ZNF23: variants seen among roughly 807,000 people sequenced by gnomAD.
ZNF23 encodes kruppel-like zinc finger factor X31.
Under a neutral mutation model 56.2 loss-of-function variants are expected in ZNF23, and 48 were observed. The ratio of observed to expected loss-of-function variants is 0.85; its 90% CI spans 0.68 to 1.09. The LOEUF (loss-of-function observed/expected upper bound fraction) is 1.09. Among genes scored for constraint, ZNF23 ranks in the 50% least tolerant of loss-of-function variants. The probability of loss-of-function intolerance (pLI) is 0.00; values close to 1 mark genes in which losing one functional copy is unlikely to be tolerated. For missense variants in ZNF23, 805 were observed against 811.4 expected (o/e 0.99, Z 0.10); for synonymous variants, 266 against 283.3 (o/e 0.94, Z 0.61).
Position 71,456,763 on chromosome 16 carries a change from C to G in ZNF23, c.33+1G>C. ...AAGAGCTGAAGGACCCCACAGCTCA[C>G]CTGGGGCCAGGCTGTCAGGTGCATG... On this transcript the variant is annotated splice_donor_variant, in intron 2 of 4. Coordinates refer to ENST00000647773, the MANE Select transcript of ZNF23 (RefSeq NM_001381984.1). LOFTEE classifies it high-confidence loss of function. The G allele has an allele frequency of 4.1e-6, 4 of 986,036 alleles. No individual in the cohort carries two copies. The highest frequency in any genetic ancestry group is 4.8e-6 in the Non-Finnish European group (4 of 830,068). 61.1% of individuals were successfully genotyped at this position (986,036 alleles called of 1,614,324 possible). A position where few individuals can be genotyped will look rare whatever the true frequency, so the allele number is the denominator to read the frequency against.
At chr16:71,461,780 G>C (rs1454511020) in intron 1 of ZNF23, 1 of 152,202 alleles carries the variant, frequency 6.6e-6, no homozygotes, top group Admixed American at 6.5e-5. Flanking sequence ...CCTATGTCAG[G>C]AGCCTGGGAG....
Position 71,448,895 on chromosome 16 carries a change from G to A in ZNF23, c.1259C>T (p.Thr420Ile). Residue 420 changes from threonine (T) to isoleucine (I), a missense_variant, in exon 5 of 5, where the codon ACA (threonine) becomes ATA (isoleucine). Physicochemically the swap from Thr to Ile is moderately conservative, Grantham distance 89 (BLOSUM62 -1). Coordinates refer to ENST00000647773, the MANE Select transcript of ZNF23 (RefSeq NM_001381984.1). ...GATTCTCTGATGCTGAATGAGTTTT[G>A]TATTATTATTGAAGCCTTTTCCACA... ...KECGKGFNNNTKLIQHQRIHT... is the reference protein window; with the variant it reads ...KECGKGFNNNIKLIQHQRIHT... The A allele has an allele frequency of 1.9e-6, 3 of 1,614,164 alleles. No individual in the cohort carries two copies. The highest frequency in any genetic ancestry group is 1.3e-5 in the African/African-American group (1 of 75,030).
At chr16:71,461,097 A>G (rs948681945) in intron 1 of ZNF23, among the ~76,000 whole-genome samples, 4 of 152,174 alleles carry the variant, frequency 2.6e-5, no homozygotes, top group Non-Finnish European at 4.4e-5. Flanking sequence ...ATGCATATGT[A>G]ATTATTTTTT....
Position 71,449,769 on chromosome 16 carries a change from G to C in ZNF23, c.385C>G (p.Leu129Val). The C allele has an allele frequency of 6.2e-7, 1 of 1,614,044 alleles. No individual in the cohort carries two copies. Among genetic ancestry groups the C allele is most frequent in the Non-Finnish European group, 8.5e-7 (1 of 1,180,018 alleles). The change falls in exon 5 of 5, where the codon CTA becomes GTA. Residue 129 changes from leucine to valine, a missense_variant. Coordinates refer to ENST00000647773, the MANE Select transcript of ZNF23 (RefSeq NM_001381984.1). ...QETDFSEASL[L>V]EKQQEVHSAG... ...GAGTGGACTTCCTGTTGTTTCTCTA[G>C]AAGAGAGGCTTCTGAAAAGTCTGTT...
intron 4 of ZNF23, chr16:71,451,632 G>A (rs2043059634): frequency 6.6e-6 from 1 of 152,344 alleles, no homozygotes; most frequent in Middle Eastern, 3.3e-3. Context: ...GCCCTTGCCA[G>A]ACAGAACCTG....
In ZNF23 at chr16:71,462,232, G is replaced by A. The variant is rs947006074; in HGVS notation, c.-55C>T. The A allele has an allele frequency of 6.6e-6, 1 of 152,360 alleles. No individual in the cohort carries two copies. The highest frequency in any genetic ancestry group is 2.4e-5 in the African/African-American group (1 of 41,472). The allele number at this position is 152,360 out of a possible 1,614,324, so 9.4% of individuals were successfully genotyped here. A position where few individuals can be genotyped will look rare whatever the true frequency, so the allele number is the denominator to read the frequency against. On this transcript the variant is annotated 5_prime_UTR_variant, in exon 1 of 5. Transcript: ENST00000647773. ...CACCTCCGTAGCGGACTGCTCCCCGGCGCTGCCGGAAGTGCGTCACCAGGC... is the reference window on the plus strand; with the variant it reads ...CACCTCCGTAGCGGACTGCTCCCCGACGCTGCCGGAAGTGCGTCACCAGGC...
Position 71,448,088 on chromosome 16 carries a change from C to A in ZNF23, c.*5G>T. ...CCTTAAGAGTTTTCTATATCTTTCT[C>A]ATTATTAGGATTTTCCTTCACTATG... On this transcript the variant is annotated 3_prime_UTR_variant, in exon 5 of 5. Coordinates refer to ENST00000647773, the MANE Select transcript of ZNF23 (RefSeq NM_001381984.1). 6.4e-7 allele frequency: 1 copy of A among 1,570,802 alleles called. No individual in the cohort carries two copies. Among genetic ancestry groups the A allele is most frequent in the South Asian group, 1.2e-5 (1 of 83,280 alleles).
chr16:71,449,923 C>CATGA, intron 4 of ZNF23, 38 bp from the exon 5 acceptor site: 1 of 1,495,104 alleles, frequency 6.7e-7, no homozygotes, highest in Non-Finnish European at 9.0e-7. Context: ...CATGTAAGAA[C>CATGA]CATGTTAGGA....
intron 2 of ZNF23, among the ~76,000 whole-genome samples, chr16:71,454,701 G>T (rs1385060600): frequency 6.6e-6 from 1 of 152,116 alleles, no homozygotes; most frequent in African/African-American, 2.4e-5. Flanking sequence ...TCCAGCCAAG[G>T]ATGCTCCATG....
At position 71,448,821 on chromosome 16, in the gene ZNF23, T is replaced by G; in HGVS notation, c.1333A>C (p.Ser445Arg). ...TGTTGGATTAACTTCCCTTTGACAC[T>G]GAAGGCTTTTCCACATTCAGTGCAT... ...YECTECGKAFSVKGKLIQHQR... is the reference protein window; with the variant it reads ...YECTECGKAFRVKGKLIQHQR... Residue 445 changes from serine to arginine, a missense_variant, in exon 5 of 5, where the codon AGT (serine) becomes CGT (arginine). Ser to Arg is a moderately radical substitution (Grantham distance 110, BLOSUM62 -1). Transcript: ENST00000647773. 1.9e-6 allele frequency: 3 copies of G among 1,614,238 alleles called. No individual in the cohort carries two copies. In the South Asian group the frequency reaches 3.3e-5, roughly 18 times the overall value.
chr16:71,453,471 A>G (rs2043124238), intron 3 of ZNF23, 121 bp from the exon 4 acceptor site: 2 of 722,356 alleles, frequency 2.8e-6, no homozygotes, highest in East Asian at 2.7e-5. Flanking sequence ...GGAGGTCCCA[A>G]GCCTCAGGAC....
chr16:71,456,117 A>C, intron 2 of ZNF23: 1 of 449,608 alleles, frequency 2.2e-6, no homozygotes, highest in South Asian at 1.6e-5. Flanking sequence ...GGATCCGTGA[A>C]GTCCCTGAAA....
At position 71,454,363 on chromosome 16, in the gene ZNF23, G is replaced by T. The variant is rs112578505; in HGVS notation, c.34-195C>A. The stretch of plus-strand genomic sequence containing the variant: ...AGTATCCACATTCTCCCACAGCAGG[G>T]AAACCTCATGCCATTTTTCACACAA... On this transcript the variant is annotated intron_variant, in intron 2 of 4. Transcript: ENST00000647773. 6.2e-3 allele frequency: 4,351 copies of T among 705,060 alleles called. 145 individuals carry two copies. In the African/African-American group the frequency reaches 0.07, roughly 11 times the overall value. 43.7% of individuals were successfully genotyped at this position (705,060 alleles called of 1,614,324 possible). A position where few individuals can be genotyped will look rare whatever the true frequency, so the allele number is the denominator to read the frequency against.
At chr16:71,454,893 T>C (rs568703825) in intron 2 of ZNF23, among the ~76,000 whole-genome samples, 9 of 152,270 alleles carry the variant, frequency 5.9e-5, no homozygotes, top group African/African-American at 2.2e-4. Context: ...AGCTATGTGG[T>C]TGGCACAAGC....
At chr16:71,455,354 G>A (rs1234532131) in intron 2 of ZNF23, among the ~76,000 whole-genome samples, 2 of 151,842 alleles carry the variant, frequency 1.3e-5, no homozygotes, top group Admixed American at 6.6e-5. Flanking sequence ...CTCTATGTCC[G>A]AAAGATTTTT....
In ZNF23 at chr16:71,448,258, T is replaced by C. The variant is rs2042917163; in HGVS notation, c.1896A>G (p.Arg632=). ...QRSHTGEKPF[R]CVECGKGFSF... is the part of the protein sequence containing the mutation. ...TGAAGCCTTTGCCACATTCCACACATCTGAAGGGTTTCTCCCCAGTGTGGC... is the reference window on the plus strand; with the variant it reads ...TGAAGCCTTTGCCACATTCCACACACCTGAAGGGTTTCTCCCCAGTGTGGC... Residue 632 remains arginine, a synonymous_variant, in exon 5 of 5, where the codon AGA becomes AGG. Transcript: ENST00000647773. 1.9e-6 allele frequency: 3 copies of C among 1,614,232 alleles called. No homozygotes were observed. Among genetic ancestry groups the C allele is most frequent in the Non-Finnish European group, 2.5e-6 (3 of 1,180,028 alleles).
At chr16:71,458,679 C>T (rs559981731) in intron 1 of ZNF23, among the ~76,000 whole-genome samples, 13 of 152,138 alleles carry the variant, frequency 8.5e-5, no homozygotes, top group Non-Finnish European at 1.8e-4. Context: ...CCAGAGCCCA[C>T]GAAACCACTC....
chr16:71,460,410 C>G (rs1317058677), intron 1 of ZNF23, among the ~76,000 whole-genome samples: 1 of 152,076 alleles, frequency 6.6e-6, no homozygotes, highest in East Asian at 1.9e-4. Flanking sequence ...CCTAATTAAA[C>G]CAAGATGGCC....
rs1017083905 is a variant in ZNF23, at chr16:71,449,900, A to G, written c.269-15T>C. 6 of 1,560,290 alleles carry G rather than the reference A, an allele frequency of 3.8e-6. No homozygotes were observed. The African/African-American group carries it at 8.3e-5, about 22-fold the overall frequency. On this transcript the variant is annotated splice_polypyrimidine_tract_variant and intron_variant, in intron 4 of 4. Transcript: ENST00000647773. Reference sequence around the variant, plus strand: ...CTGAATATCTACTATAAAAAACAGAAAACATAAAATGTCATGTAAGAACCA... The same window carrying G: ...CTGAATATCTACTATAAAAAACAGAGAACATAAAATGTCATGTAAGAACCA...
Sources: gnomAD v4.1 joint callset for allele counts (sites outside exome capture counted in the v4.1 genomes callset) on GRCh38, gnomAD v4.1.1 for gene constraint, MANE v1.5 for transcripts, NCBI Gene and HGNC (gene_info 2026-07-23, HGNC 2026-07-21) for gene names.